Variants in CCDC69 observed in about 807,000 individuals in gnomAD.
CCDC69 encodes coiled-coil domain containing 69, also known as coiled-coil domain-containing protein 69.
Under a neutral mutation model 40.3 loss-of-function variants are expected in CCDC69, and 38 were observed. That is an observed-to-expected ratio of 0.94 (90% CI 0.73 to 1.24). CCDC69 has a LOEUF of 1.24. CCDC69 is among the 50% of genes most tolerant of loss of function. The pLI is 0.00. For missense variants in CCDC69, 389 were observed against 357.9 expected (o/e 1.09, Z -0.70); for synonymous variants, 141 against 138.9 (o/e 1.02, Z -0.11).
intron 6 of CCDC69, among the ~76,000 whole-genome samples, 165 bp from the exon 7 acceptor site, chr5:151,185,706 G>A (rs1024734985): frequency 2.0e-5 from 3 of 152,184 alleles, no homozygotes; most frequent in African/African-American, 7.2e-5. Flanking sequence ...ATCACCTTTT[G>A]AGACATGTGC....
At chr5:151,212,298 G>C (rs1165853031) in intron 1 of CCDC69, 1 of 155,324 alleles carries the variant, frequency 6.4e-6, no homozygotes, top group Non-Finnish European at 1.4e-5. Flanking sequence ...ATCTGTGAAG[G>C]GTCAGGGCTG....
intron 2 of CCDC69, among the ~76,000 whole-genome samples, chr5:151,202,441 A>T (rs986585718): frequency 6.6e-6 from 1 of 152,136 alleles, no homozygotes; most frequent in Non-Finnish European, 1.5e-5. Context: ...CTGATTTCCA[A>T]TTTTTCTTGA....
intron 3 of CCDC69, 54 bp downstream of exon 3, chr5:151,201,528 C>G (rs1423320468): frequency 8.0e-6 from 10 of 1,242,400 alleles, no homozygotes; most frequent in Non-Finnish European, 1.1e-5. Flanking sequence ...CTCTGGGATT[C>G]ACCAAAGTTA....
intron 1 of CCDC69, among the ~76,000 whole-genome samples, chr5:151,221,887 G>A (rs1319959982): frequency 1.3e-5 from 2 of 152,240 alleles, no homozygotes; most frequent in African/African-American, 4.8e-5. Context: ...GCCTTCCAAG[G>A]GGTTGGCACC....
intron 1 of CCDC69, among the ~76,000 whole-genome samples, chr5:151,207,872 G>A (rs1478151445): frequency 6.6e-6 from 1 of 151,972 alleles, no homozygotes; most frequent in East Asian, 1.9e-4. Context: ...GAAAGAAAGA[G>A]AGAAGGAAGG....
At chr5:151,187,493 C>T in intron 4 of CCDC69, 34 bp from the exon 5 acceptor site, 2 of 1,559,500 alleles carry the variant, frequency 1.3e-6, no homozygotes, top group Non-Finnish European at 1.7e-6. Context: ...AAGCTCAAGA[C>T]ACTTCTCCCC....
At chr5:151,220,649 T>TG (rs1050204947) in intron 1 of CCDC69, among the ~76,000 whole-genome samples, 5 of 152,314 alleles carry the variant, frequency 3.3e-5, no homozygotes, top group African/African-American at 1.2e-4. Flanking sequence ...GCAGCTGTGC[T>TG]GAGCCCCTTC....
At chr5:151,217,100 T>C (rs1219490020) in intron 1 of CCDC69, among the ~76,000 whole-genome samples, 1 of 152,162 alleles carries the variant, frequency 6.6e-6, no homozygotes, top group Non-Finnish European at 1.5e-5. Flanking sequence ...TGATAAATAC[T>C]CGAGGTGATG....
At chr5:151,198,058 A>G (rs919808600) in intron 4 of CCDC69, among the ~76,000 whole-genome samples, 1 of 152,230 alleles carries the variant, frequency 6.6e-6, no homozygotes, top group Non-Finnish European at 1.5e-5. Context: ...AACAGTGGCT[A>G]ACTCTGGGTG....
rs1387506592 is a variant in CCDC69 at position 151,198,816 on chromosome 5, C to T, written c.319+181G>A. The T allele has an allele frequency of 3.5e-5, 19 of 537,618 alleles. No individual in the cohort carries two copies. The South Asian group carries it at 5.3e-4, about 15-fold the overall frequency. The allele number at this position is 537,618 out of a possible 1,614,324, so 33.3% of individuals were successfully genotyped here. ...AAGGTTGATGCCAGCCTCTTAAATC[C>T]ATGCCCCAAAGGAAAAGTCCATCAA... On this transcript the variant is annotated intron_variant, in intron 4 of 8. Transcript: ENST00000355417.
At chr5:151,209,110 C>T (rs1752892350) in intron 1 of CCDC69, among the ~76,000 whole-genome samples, 1 of 152,250 alleles carries the variant, frequency 6.6e-6, no homozygotes, top group Non-Finnish European at 1.5e-5. Context: ...TAGAATCACA[C>T]AGATCTGGGT....
chr5:151,196,958 C>T (rs567910581), intron 4 of CCDC69, among the ~76,000 whole-genome samples: 22 of 152,230 alleles, frequency 1.4e-4, no homozygotes, highest in African/African-American at 4.8e-4. Context: ...TGGAGGCAGC[C>T]TAGGTGTCCA....
In CCDC69 at chr5:151,223,941, G is replaced by A; in HGVS notation, c.30C>T (p.Ser10=). 7.0e-6 allele frequency: 11 copies of A among 1,579,806 alleles called. No individual in the cohort carries two copies. The highest frequency in any genetic ancestry group is 9.4e-6 in the Non-Finnish European group (11 of 1,165,830). MGCRHSRLS[S]CKPPKKKRQE... is the part of the protein sequence containing the mutation. ...CCTTTACCTTTTTCGGGGGTTTGCA[G>A]CTGCTCAGCCTGCTGTGTCTGCAGC... Residue 10 remains serine, a synonymous_variant, in exon 1 of 9, where the codon AGC becomes AGT. Coordinates refer to ENST00000355417, the MANE Select transcript of CCDC69 (RefSeq NM_015621.3).
intron 1 of CCDC69, among the ~76,000 whole-genome samples, chr5:151,214,247 G>T (rs1753000162): frequency 6.6e-6 from 1 of 152,176 alleles, no homozygotes; most frequent in Admixed American, 6.5e-5. Flanking sequence ...CCGGTGTCTG[G>T]CCCAGCACCA....
At chr5:151,208,815 T>C (rs1716520948) in intron 1 of CCDC69, among the ~76,000 whole-genome samples, 1 of 152,216 alleles carries the variant, frequency 6.6e-6, no homozygotes, top group African/African-American at 2.4e-5. Flanking sequence ...TGTTACAAAC[T>C]TGGGCAAATC....
intron 1 of CCDC69, among the ~76,000 whole-genome samples, chr5:151,209,822 T>A (rs566348339): frequency 6.6e-6 from 1 of 152,328 alleles, no homozygotes; most frequent in African/African-American, 2.4e-5. Flanking sequence ...TCAAGTGATT[T>A]GCCTGCCTTG....
At chr5:151,220,601 T>C (rs1391968602) in intron 1 of CCDC69, among the ~76,000 whole-genome samples, 9 of 152,202 alleles carry the variant, frequency 5.9e-5, no homozygotes, top group African/African-American at 1.9e-4. Flanking sequence ...GCTGAATGAC[T>C]GACCCACCAA....
At chr5:151,200,380 C>G (rs910030751) in intron 3 of CCDC69, among the ~76,000 whole-genome samples, 1 of 152,194 alleles carries the variant, frequency 6.6e-6, no homozygotes, top group Non-Finnish European at 1.5e-5. Flanking sequence ...GTCAGGTGAT[C>G]TGCCTGCCTC....
At chr5:151,222,014 T>C (rs1753141806) in intron 1 of CCDC69, among the ~76,000 whole-genome samples, 1 of 152,258 alleles carries the variant, frequency 6.6e-6, no homozygotes, top group Non-Finnish European at 1.5e-5. Context: ...CAAGAAGGCA[T>C]GCCAGGCTGT....
Sources: gnomAD v4.1 joint callset for allele counts (sites outside exome capture counted in the v4.1 genomes callset) on GRCh38, gnomAD v4.1.1 for gene constraint, MANE v1.5 for transcripts, NCBI Gene and HGNC (gene_info 2026-07-23, HGNC 2026-07-21) for gene names.